The following KCND2 variants were observed in gnomAD, a reference collection of about 807,000 sequenced individuals.
KCND2 encodes potassium voltage-gated channel subfamily D member 2.
A neutral mutation model predicts 54.4 loss-of-function variants in KCND2; 16 were observed. The ratio of observed to expected loss-of-function variants is 0.29; its 90% CI spans 0.20 to 0.45. The LOEUF (loss-of-function observed/expected upper bound fraction) is 0.45, where lower values mean the gene tolerates loss of function less well. Among genes scored for constraint, KCND2 ranks in the 20% least tolerant of loss-of-function variants. The pLI is 1.00. For missense variants in KCND2, 486 were observed against 824.2 expected, an observed-to-expected ratio of 0.59 and a Z score of 5.02; for synonymous variants, 317 against 310.7, an observed-to-expected ratio of 1.02 and a Z score of -0.21.
chr7:120,399,425 T>C (rs1428559619), intron 1 of KCND2, among the ~76,000 whole-genome samples: 4 of 151,758 alleles, frequency 2.6e-5, no homozygotes, highest in African/African-American at 7.2e-5. Flanking sequence ...TGAGAAAATA[T>C]AGGTTTTACT....
intron 1 of KCND2, among the ~76,000 whole-genome samples, chr7:120,351,234 T>G (rs796436997): frequency 1.5e-5 from 1 of 68,034 alleles, no homozygotes; most frequent in Admixed American, 2.7e-4. Context: ...TATTATATAT[T>G]TATATGTGTG....
chr7:120,556,579 G>C, intron 1 of KCND2, among the ~76,000 whole-genome samples: 1 of 152,060 alleles, frequency 6.6e-6, no homozygotes, highest in East Asian at 1.9e-4. Context: ...TATTTTTCTG[G>C]CAGGTTCTTT....
At chr7:120,696,408 T>C (rs1792333099) in intron 1 of KCND2, among the ~76,000 whole-genome samples, 1 of 152,202 alleles carries the variant, frequency 6.6e-6, no homozygotes, top group Admixed American at 6.5e-5. Context: ...ATTCTTTTGA[T>C]GGAAGTATTC....
intron 1 of KCND2, among the ~76,000 whole-genome samples, chr7:120,497,740 A>G (rs554873138): frequency 6.6e-6 from 1 of 152,338 alleles, no homozygotes; most frequent in East Asian, 1.9e-4. Context: ...GGTTTAAGGA[A>G]GGGTCCCAGA....
chr7:120,445,854 G>A (rs556027521), intron 1 of KCND2, among the ~76,000 whole-genome samples: 2 of 152,098 alleles, frequency 1.3e-5, no homozygotes, highest in African/African-American at 4.8e-5. Context: ...AAATAACCAA[G>A]AATGGAACCT....
At chr7:120,389,023 C>A (rs1201302171) in intron 1 of KCND2, among the ~76,000 whole-genome samples, 2 of 151,452 alleles carry the variant, frequency 1.3e-5, no homozygotes, top group Admixed American at 1.3e-4. Context: ...CTTTAATTGT[C>A]TAAGACTATA....
At chr7:120,623,551 G>A (rs1793129611) in intron 1 of KCND2, among the ~76,000 whole-genome samples, 1 of 152,100 alleles carries the variant, frequency 6.6e-6, no homozygotes, top group Non-Finnish European at 1.5e-5. Context: ...TATAGGTGAG[G>A]TTCTGAGACT....
At chr7:120,674,702 G>A (rs140096694) in intron 1 of KCND2, among the ~76,000 whole-genome samples, 1 of 152,180 alleles carries the variant, frequency 6.6e-6, no homozygotes, top group East Asian at 1.9e-4. Context: ...CAATTTATTG[G>A]CATGTCTAGT....
At chr7:120,366,605 A>G (rs1800685088) in intron 1 of KCND2, among the ~76,000 whole-genome samples, 1 of 151,990 alleles carries the variant, frequency 6.6e-6, no homozygotes, top group African/African-American at 2.4e-5. Flanking sequence ...CCAAGTTCTC[A>G]GTGGAATAGA....
chr7:120,335,460 CTTACTTACTTATTTATTTATTTAT>C (rs1469740463), intron 1 of KCND2, among the ~76,000 whole-genome samples: 1 of 136,728 alleles, frequency 7.3e-6, no homozygotes, highest in Non-Finnish European at 1.5e-5. Context: ...TATTTATTTA[CTTACTTACTTATTTATTTATTTAT>C]TTATTTATTT....
intron 1 of KCND2, among the ~76,000 whole-genome samples, chr7:120,343,269 G>T (rs528763191): frequency 2.6e-5 from 4 of 152,076 alleles, no homozygotes; most frequent in Non-Finnish European, 5.9e-5. Flanking sequence ...GCTTATGGAT[G>T]AACTAGCTAG....
intron 5 of KCND2, among the ~76,000 whole-genome samples, chr7:120,747,115 A>G (rs1038657021): frequency 1.3e-5 from 2 of 152,076 alleles, no homozygotes; most frequent in African/African-American, 4.8e-5. Context: ...TTTCCCTTTT[A>G]TCCCCTTCCC....
In KCND2 at chr7:120,719,375, G is replaced by C. The variant is rs560985226; in HGVS notation, c.1116-13528G>C. Among the ~76,000 whole-genome samples the C allele has an allele frequency of 7.3e-4, 111 of 152,206 alleles. 3 individuals are homozygous for C. The highest frequency in any genetic ancestry group is 2.5e-3 in the African/African-American group (104 of 41,520). The stretch of plus-strand genomic sequence containing the variant: ...AGTGAAGTAGTGAAAACGCTAATAG[G>C]CTTTTACAACTATAAATAAACCATT... On this transcript the variant is annotated intron_variant, in intron 1 of 5. Transcript: ENST00000331113.
intron 1 of KCND2, among the ~76,000 whole-genome samples, chr7:120,693,406 G>A (rs1403138544): frequency 1.3e-5 from 2 of 152,066 alleles, no homozygotes; most frequent in Non-Finnish European, 2.9e-5. Context: ...GACAGTGATC[G>A]TTCTCCCTCC....
intron 1 of KCND2, among the ~76,000 whole-genome samples, chr7:120,330,043 TA>T (rs1413271904): frequency 1.3e-5 from 2 of 151,518 alleles, no homozygotes; most frequent in South Asian, 2.1e-4. Flanking sequence ...TTGCTGTAAA[TA>T]AAAAAAAGGT....
intron 2 of KCND2, among the ~76,000 whole-genome samples, chr7:120,735,024 G>C (rs1170331100): frequency 6.6e-6 from 1 of 152,026 alleles, no homozygotes; most frequent in African/African-American, 2.4e-5. Context: ...CACTGTCAAA[G>C]ATCTTCTTCC....
intron 1 of KCND2, among the ~76,000 whole-genome samples, chr7:120,354,333 A>G (rs763005223): frequency 3.9e-5 from 6 of 152,202 alleles, no homozygotes; most frequent in Non-Finnish European, 8.8e-5. Context: ...GCGTTATATA[A>G]TGAAACTTGT....
At chr7:120,536,257 T>C (rs1001068098) in intron 1 of KCND2, among the ~76,000 whole-genome samples, 2 of 152,146 alleles carry the variant, frequency 1.3e-5, no homozygotes, top group East Asian at 1.9e-4. Flanking sequence ...AAATATATAT[T>C]GCTAAAAAAT....
chr7:120,418,011 T>C (rs757140960), intron 1 of KCND2, among the ~76,000 whole-genome samples: 3 of 152,224 alleles, frequency 2.0e-5, no homozygotes, highest in Middle Eastern at 3.2e-3. Context: ...AAAAGCCCGA[T>C]TCAAGAAACA....
Sources: gnomAD v4.1 joint callset for allele counts (sites outside exome capture counted in the v4.1 genomes callset) on GRCh38, gnomAD v4.1.1 for gene constraint, MANE v1.5 for transcripts, NCBI Gene and HGNC (gene_info 2026-07-23, HGNC 2026-07-21) for gene names.